Variants in PCDHGA4 observed in about 807,000 individuals in gnomAD.
The protein encoded by PCDHGA4 is protocadherin gamma subfamily A, 4.
A neutral mutation model predicts 54.6 loss-of-function variants in PCDHGA4; 38 were observed. The observed-to-expected ratio is 0.70, with a 90% CI of 0.54 to 0.91. PCDHGA4 has a LOEUF of 0.91. PCDHGA4 is among the 40% of genes least tolerant of loss of function. The probability of loss-of-function intolerance (pLI) is 0.00; values close to 1 mark genes in which losing one functional copy is unlikely to be tolerated. For synonymous variants in PCDHGA4, 511 were observed against 512.9 expected (o/e 1.00, Z 0.05); for missense variants, 1,298 against 1,220.9 (o/e 1.06, Z -0.94).
At position 141,463,796 on chromosome 5, in the gene PCDHGA4, G is replaced by A. The variant is rs139760353; in HGVS notation, c.2515-31011G>A. ...ATCCTGCACTGTCTTTTGAACAAAT[G>A]TCTAAAAGCTTTTATCACACATTTT... On this transcript the variant is annotated intron_variant, in intron 1 of 3. Coordinates refer to ENST00000571252, the MANE Select transcript of PCDHGA4 (RefSeq NM_018917.4). Among the ~76,000 whole-genome samples, 155 of 152,232 alleles carry A rather than the reference G, an allele frequency of 1.0e-3. 1 individual carries two copies. The highest frequency in any genetic ancestry group is 3.4e-3 in the African/African-American group (140 of 41,538).
chr5:141,494,903 G>A (rs760748707), intron 2 of PCDHGA4, 38 bp downstream of exon 2: 39 of 1,613,894 alleles, frequency 2.4e-5, no homozygotes, highest in Non-Finnish European at 3.1e-5. Context: ...TCTTCTCTGC[G>A]GCATTTTCTC....
chr5:141,384,178 G>A, intron 1 of PCDHGA4: 2 of 1,613,788 alleles, frequency 1.2e-6, no homozygotes, highest in Non-Finnish European at 1.7e-6. Flanking sequence ...AGCCACAGAT[G>A]GTGGAACTCC....
At chr5:141,359,719 A>G (rs888615978) in intron 1 of PCDHGA4, among the ~76,000 whole-genome samples, 1 of 152,136 alleles carries the variant, frequency 6.6e-6, no homozygotes, top group Non-Finnish European at 1.5e-5. Flanking sequence ...AAACTTTAAC[A>G]CTCATTTCCC....
intron 1 of PCDHGA4, among the ~76,000 whole-genome samples, chr5:141,462,771 G>C (rs1295560657): frequency 6.6e-6 from 1 of 152,088 alleles, no homozygotes; most frequent in Non-Finnish European, 1.5e-5. Context: ...CTGGCTTGGG[G>C]TCATAATTTG....
At chr5:141,376,815 T>C in intron 1 of PCDHGA4, 1 of 299,046 alleles carries the variant, frequency 3.3e-6, no homozygotes, top group Admixed American at 4.9e-5. Context: ...GCCTCCCTAG[T>C]AGCTGGGACT....
In PCDHGA4 at chr5:141,511,548, A is replaced by C; in HGVS notation, c.*375A>C. 3.3e-6 allele frequency: 1 copy of C among 306,952 alleles called. No homozygotes were observed. The highest frequency in any genetic ancestry group is 6.3e-6 in the Non-Finnish European group (1 of 158,248). 19.0% of individuals were successfully genotyped at this position (306,952 alleles called of 1,614,324 possible). ...CCTCCCTCCTCCCCACCCCACTCCA[A>C]CAGTTCCTCTTTCCCGAGTAAGGTG... is the stretch of plus-strand genomic sequence containing the variant. On this transcript the variant is annotated 3_prime_UTR_variant, in exon 4 of 4. Transcript: ENST00000571252.
intron 1 of PCDHGA4, chr5:141,365,281 G>C (rs752099096): frequency 1.2e-6 from 2 of 1,614,000 alleles, no homozygotes; most frequent in East Asian, 2.2e-5. Flanking sequence ...TCTACCTCAT[G>C]GAAGTGGTAG....
intron 1 of PCDHGA4, chr5:141,372,839 A>G: frequency 6.6e-7 from 1 of 1,524,174 alleles, no homozygotes. Context: ...TCCTTCCATA[A>G]ATATAATTGG....
chr5:141,394,138 T>C (rs1360282699), intron 1 of PCDHGA4: 1 of 1,613,860 alleles, frequency 6.2e-7, no homozygotes. Flanking sequence ...GCTCTGCACG[T>C]GGCAGACATT....
chr5:141,362,346 T>A, intron 1 of PCDHGA4: 1 of 1,614,088 alleles, frequency 6.2e-7, no homozygotes, highest in Non-Finnish European at 8.5e-7. Flanking sequence ...AGCCTGGACC[T>A]GGGGTTCTCC....
At chr5:141,360,957 C>A in intron 1 of PCDHGA4, 3 of 1,613,904 alleles carry the variant, frequency 1.9e-6, no homozygotes, top group South Asian at 2.2e-5. Flanking sequence ...AAGGCATAAA[C>A]GCAGAGATCA....
chr5:141,410,345 C>T, intron 1 of PCDHGA4: 1 of 1,614,040 alleles, frequency 6.2e-7, no homozygotes, highest in Non-Finnish European at 8.5e-7. Flanking sequence ...TGCCTTGCGC[C>T]TGCGACGCTC....
rs2093964070 is a variant in PCDHGA4, at chr5:141,400,115, G to A, written c.2514+42494G>A. On this transcript the variant is annotated intron_variant, in intron 1 of 3. Coordinates refer to ENST00000571252, the MANE Select transcript of PCDHGA4 (RefSeq NM_018917.4). ...ACGCTGCACTTGGTCTTTGCTGACA[G>A]CTTGCAGGAGGTGCTGCCGGATATC... The A allele has an allele frequency of 1.9e-6, 3 of 1,613,966 alleles. No individual in the cohort carries two copies. The African/African-American group carries it at 4.0e-5, about 22-fold the overall frequency.
intron 1 of PCDHGA4, among the ~76,000 whole-genome samples, chr5:141,450,899 A>G (rs1045595271): frequency 1.0e-4 from 15 of 149,514 alleles, no homozygotes; most frequent in African/African-American, 3.7e-4. Context: ...ATATCGGCTC[A>G]CTGCAACCGC....
rs370503146 is a variant in PCDHGA4 at position 141,511,012 on chromosome 5, G to A, written c.2728G>A (p.Gly910Arg). 11 of 1,614,060 alleles carry A rather than the reference G, an allele frequency of 6.8e-6. No individual in the cohort carries two copies. Among genetic ancestry groups the A allele is most frequent in the Middle Eastern group, 1.6e-4 (1 of 6,084 alleles). ...AGTMGLSARYGPQFTLQHVPD... is the reference protein window; with the variant it reads ...AGTMGLSARYRPQFTLQHVPD... The stretch of plus-strand genomic sequence containing the variant: ...CACCATGGGATTGAGCGCCCGCTAC[G>A]GACCCCAGTTCACCCTGCAGCACGT... The change falls in exon 4 of 4, where the codon GGA (glycine) becomes AGA (arginine). Residue 910 changes from glycine (G) to arginine (R), a missense_variant. Transcript: ENST00000571252.
intron 1 of PCDHGA4, chr5:141,409,541 G>T: frequency 6.2e-7 from 1 of 1,613,970 alleles, no homozygotes; most frequent in Non-Finnish European, 8.5e-7. Context: ...TGACATCAAC[G>T]ACAACGCCCC....
chr5:141,478,856 T>G (rs1372487685), intron 1 of PCDHGA4: 2 of 1,353,224 alleles, frequency 1.5e-6, no homozygotes, highest in Non-Finnish European at 2.0e-6. Flanking sequence ...AAACACAAGA[T>G]CTCAGCGATC....
chr5:141,405,328 C>T (rs4912606), intron 1 of PCDHGA4: 66,412 of 1,613,986 alleles, frequency 0.041, 1,736 homozygotes, highest in Non-Finnish European at 0.046. Flanking sequence ...AGCCTTTGTG[C>T]GTCTCTGTTG....
At chr5:141,374,153 TG>T in intron 1 of PCDHGA4, 1 of 1,612,060 alleles carries the variant, frequency 6.2e-7, no homozygotes, top group African/African-American at 1.3e-5. Context: ...GGGGACGCTG[TG>T]GGGGGCCGCG....
Sources: gnomAD v4.1 joint callset for allele counts (sites outside exome capture counted in the v4.1 genomes callset) on GRCh38, gnomAD v4.1.1 for gene constraint, MANE v1.5 for transcripts, NCBI Gene and HGNC (gene_info 2026-07-23, HGNC 2026-07-21) for gene names.